CCDC163: variants seen among roughly 807,000 people sequenced by gnomAD.
CCDC163 encodes the protein CCDC163 homolog.
Under a neutral mutation model 8.2 loss-of-function variants are expected in CCDC163, and 13 were observed. The observed-to-expected ratio is 1.59, with a 90% CI of 1.04 to 2.54. CCDC163 has a LOEUF of 2.54. Among genes scored for constraint, CCDC163 ranks in the 30% most tolerant of loss-of-function variants. The pLI, the probability that CCDC163 is intolerant of heterozygous loss-of-function variation, is 0.00. For missense variants in CCDC163, 117 were observed against 78.6 expected, an observed-to-expected ratio of 1.49 and a Z score of -1.85; for synonymous variants, 41 against 30.9, an observed-to-expected ratio of 1.33 and a Z score of -1.08.
intron 2 of CCDC163, among the ~76,000 whole-genome samples, chr1:45,497,685 C>G (rs1213385683): frequency 1.5e-5 from 1 of 67,868 alleles, no homozygotes; most frequent in Non-Finnish European, 2.9e-5. Context: ...CGCCCGGCAG[C>G]CACCCCGTCC....
chr1:45,499,553 A>G lies in CCDC163; in HGVS notation c.57T>C (p.Asp19=), dbSNP rs761350578. The G allele has an allele frequency of 1.3e-5, 10 of 779,264 alleles. No homozygotes were observed. The Admixed American group carries it at 1.5e-4, about 12-fold the overall frequency. The allele number at this position is 779,264 out of a possible 1,614,324, so 48.3% of individuals were successfully genotyped here. ...TCACCTTATTCCGGACCACATTTCC[A>G]TCAGTAGCGTTGAGAAGCACATCCA... ...EQLDVLLNAT[D]GNVVRNKQWL... The change falls in exon 1 of 5, where the codon GAT becomes GAC. Residue 19 remains aspartate (D), a synonymous_variant. Coordinates refer to ENST00000629482, the MANE Select transcript of CCDC163 (RefSeq NM_001102601.3).
rs377716210 is a variant in CCDC163 at position 45,499,953 on chromosome 1, C to T, written c.-344G>A. The T allele has an allele frequency of 2.1e-6, 1 of 485,818 alleles. No individual in the cohort carries two copies. The allele number at this position is 485,818 out of a possible 1,614,324, so 30.1% of individuals were successfully genotyped here. ...AACCTGTGCCAGTGACAACTGCCGC[C>T]GCCGGGTTCAAAACTTCGGGTTGGT... On this transcript the variant is annotated 5_prime_UTR_variant, in exon 1 of 5. Transcript: ENST00000629482.
intron 2 of CCDC163, among the ~76,000 whole-genome samples, chr1:45,497,850 C>G (rs1439817345): frequency 3.4e-5 from 5 of 147,102 alleles, no homozygotes; most frequent in African/African-American, 1.3e-4. Flanking sequence ...AGGAGCCCCT[C>G]TGCCCGGCCA....
rs1485180276 is a variant in CCDC163, at chr1:45,494,879, G to A, written c.*180C>T. ...CAATTGCTTGAACCTGGGAGGCGGA[G>A]GTTGCAGTGAGCTGAGATGGGGGGC... On this transcript the variant is annotated 3_prime_UTR_variant, in exon 5 of 5. Transcript: ENST00000629482. 1.8e-5 allele frequency: 11 copies of A among 595,066 alleles called. No homozygotes were observed. The highest frequency in any genetic ancestry group is 3.3e-5 in the Non-Finnish European group (11 of 333,166). 36.9% of individuals were successfully genotyped at this position (595,066 alleles called of 1,614,324 possible).
At position 45,499,837 on chromosome 1, in the gene CCDC163, C is replaced by T; in HGVS notation, c.-228G>A. ...GGGAACTGGGGGAAAAGCGGGATAC[C>T]GTGATGATACGCAGATATCAGGTGG... On this transcript the variant is annotated 5_prime_UTR_variant, in exon 1 of 5. Transcript: ENST00000629482. The T allele has an allele frequency of 1.8e-6, 1 of 569,292 alleles. No individual in the cohort carries two copies. The highest frequency in any genetic ancestry group is 3.1e-6 in the Non-Finnish European group (1 of 318,062). 35.3% of individuals were successfully genotyped at this position (569,292 alleles called of 1,614,324 possible).
At chr1:45,495,816 G>A (rs1163451427) in intron 4 of CCDC163, among the ~76,000 whole-genome samples, 1 of 151,878 alleles carries the variant, frequency 6.6e-6, no homozygotes, top group Non-Finnish European at 1.5e-5. Flanking sequence ...ACAGGCACCC[G>A]CCATCATGCC....
chr1:45,497,689 C>A (rs1557600309), intron 2 of CCDC163, among the ~76,000 whole-genome samples: 1 of 61,704 alleles, frequency 1.6e-5, no homozygotes, highest in Admixed American at 2.1e-4. Flanking sequence ...CGGCAGCCAC[C>A]CCGTCCGGGA....
chr1:45,497,430 T>TCACCAC (rs1329007064), intron 2 of CCDC163, 47 bp from the exon 3 acceptor site: 1 of 764,014 alleles, frequency 1.3e-6, no homozygotes. Context: ...GTAGAGTATC[T>TCACCAC]AGGGTCTTGT....
At position 45,495,103 on chromosome 1, in the gene CCDC163, A is replaced by G. The variant is rs770523114; in HGVS notation, c.394T>C (p.Leu132=). ...PASFSSMPRV[L]SKRTYSFGAP... ...CCAAAGGAATAGGTCCTCTTGCTTA[A>G]GACTCTGGGCATGGAGCTGAAAGAT... The change falls in exon 5 of 5, where the codon TTA becomes CTA. Residue 132 remains leucine, a synonymous_variant. Coordinates refer to ENST00000629482, the MANE Select transcript of CCDC163 (RefSeq NM_001102601.3). 12 of 780,876 alleles carry G rather than the reference A, an allele frequency of 1.5e-5. No individual in the cohort carries two copies. The Middle Eastern group carries it at 6.8e-4, about 44-fold the overall frequency. 48.4% of individuals were successfully genotyped at this position (780,876 alleles called of 1,614,324 possible).
chr1:45,497,244 T>C, intron 3 of CCDC163, 55 bp downstream of exon 3: 1 of 726,766 alleles, frequency 1.4e-6, no homozygotes, highest in Non-Finnish European at 2.5e-6. Context: ...GAAGATGACT[T>C]TCCAGAAAAG....
At chr1:45,495,586 T>G (rs1169241739) in intron 4 of CCDC163, 2 of 700,238 alleles carry the variant, frequency 2.9e-6, no homozygotes, top group Non-Finnish European at 2.6e-6. Context: ...AAGATAATGA[T>G]GTATCAAGGG....
In CCDC163 at chr1:45,495,041, C is replaced by T. The variant is rs374226397; in HGVS notation, c.*18G>A. Reference sequence around the variant, plus strand: ...GAAGCCTTCATCCTACTATTCTTAACGAGTCCTTACAGGTCATTCAGGAGC... The same window carrying T: ...GAAGCCTTCATCCTACTATTCTTAATGAGTCCTTACAGGTCATTCAGGAGC... On this transcript the variant is annotated 3_prime_UTR_variant, in exon 5 of 5. Coordinates refer to ENST00000629482, the MANE Select transcript of CCDC163 (RefSeq NM_001102601.3). The T allele has an allele frequency of 5.1e-5, 40 of 780,650 alleles. 1 individual carries two copies. Among genetic ancestry groups the T allele is most frequent in the Non-Finnish European group, 8.4e-5 (35 of 417,964 alleles). The allele number at this position is 780,650 out of a possible 1,614,324, so 48.4% of individuals were successfully genotyped here.
intron 4 of CCDC163, 29 bp downstream of exon 4, chr1:45,496,527 T>C (rs372194476): frequency 1.0e-5 from 8 of 778,572 alleles, no homozygotes; most frequent in Admixed American, 8.5e-5. Flanking sequence ...TAGAGAAATA[T>C]GCAGAGACAA....
intron 2 of CCDC163, among the ~76,000 whole-genome samples, chr1:45,497,645 C>T (rs1465707578): frequency 9.6e-6 from 1 of 104,394 alleles, no homozygotes; most frequent in South Asian, 3.5e-4. Context: ...TGCCCGGCCG[C>T]CACCCCGTCT....
intron 3 of CCDC163, among the ~76,000 whole-genome samples, chr1:45,496,936 G>A (rs960015831): frequency 2.6e-5 from 4 of 152,158 alleles, no homozygotes; most frequent in Admixed American, 6.5e-5. Context: ...CAAGGCAGGC[G>A]GATCATCTGA....
rs1269940190 is a variant in CCDC163, at chr1:45,499,529, C to T, written c.78+3G>A. The stretch of plus-strand genomic sequence containing the variant: ...AAACTGGGGACCTCCACCAACCCCT[C>T]ACCTTATTCCGGACCACATTTCCAT... On this transcript the variant is annotated splice_donor_region_variant and intron_variant, in intron 1 of 4. Coordinates refer to ENST00000629482, the MANE Select transcript of CCDC163 (RefSeq NM_001102601.3). 1 of 779,012 alleles carries T rather than the reference C, an allele frequency of 1.3e-6. No individual in the cohort carries two copies. The highest frequency in any genetic ancestry group is 2.4e-5 in the East Asian group (1 of 41,220). The allele number at this position is 779,012 out of a possible 1,614,324, so 48.3% of individuals were successfully genotyped here.
intron 4 of CCDC163, chr1:45,496,118 T>C: frequency 6.8e-6 from 2 of 293,022 alleles, no homozygotes; most frequent in Non-Finnish European, 6.6e-6. Flanking sequence ...GTGCCCGACC[T>C]GTGAGACAAT....
At position 45,494,672 on chromosome 1, in the gene CCDC163, A is replaced by G; in HGVS notation, c.*387T>C. 7.5e-6 allele frequency: 2 copies of G among 266,224 alleles called. 1 individual carries two copies. Among genetic ancestry groups the G allele is most frequent in the Non-Finnish European group, 1.5e-5 (2 of 134,838 alleles). 16.5% of individuals were successfully genotyped at this position (266,224 alleles called of 1,614,324 possible). On this transcript the variant is annotated 3_prime_UTR_variant, in exon 5 of 5. Transcript: ENST00000629482. Reference sequence around the variant, plus strand: ...GAGCTTGCACTCAGAAGGTACAGCTATAGGCTGGGCATGGTGGCTCACAAC... The same window carrying G: ...GAGCTTGCACTCAGAAGGTACAGCTGTAGGCTGGGCATGGTGGCTCACAAC...
Position 45,500,018 on chromosome 1 carries a change from C to G in CCDC163, c.-409G>C. On this transcript the variant is annotated 5_prime_UTR_variant, in exon 1 of 5. Transcript: ENST00000629482. ...TTTGGACTGGCTGCCGCAGCGCCAC[C>G]TGGGAAACTGAGGTCGCCTCTTGCG... 1 of 516,004 alleles carries G rather than the reference C, an allele frequency of 1.9e-6. No individual in the cohort carries two copies. Among genetic ancestry groups the G allele is most frequent in the African/African-American group, 1.9e-5 (1 of 52,264 alleles). 32.0% of individuals were successfully genotyped at this position (516,004 alleles called of 1,614,324 possible). A position where few individuals can be genotyped will look rare whatever the true frequency, so the allele number is the denominator to read the frequency against.
Sources: allele counts gnomAD v4.1 joint callset (sites outside exome capture counted in the v4.1 genomes callset), GRCh38; gene constraint gnomAD v4.1.1; transcripts MANE v1.5; gene names NCBI Gene and HGNC (gene_info 2026-07-23, HGNC 2026-07-21).